The following KAZN variants were observed in gnomAD, a reference collection of about 807,000 sequenced individuals.
KAZN encodes the protein kazrin, periplakin interacting protein.
Under a neutral mutation model 87.4 loss-of-function variants are expected in KAZN, and 40 were observed. The ratio of observed to expected loss-of-function variants is 0.46; its 90% CI spans 0.36 to 0.60. KAZN has a LOEUF of 0.60. Among genes scored for constraint, KAZN ranks in the 20% least tolerant of loss-of-function variants. The probability of loss-of-function intolerance (pLI) is 0.00; values close to 1 mark genes in which losing one functional copy is unlikely to be tolerated. For missense variants in KAZN, 898 were observed against 1,073.9 expected, an observed-to-expected ratio of 0.84 and a Z score of 2.29; for synonymous variants, 466 against 458.3, an observed-to-expected ratio of 1.02 and a Z score of -0.22.
Position 14,513,494 on chromosome 1 carries a change from C to T in KAZN, c.250-85489C>T, listed in dbSNP as rs548815499. Among the ~76,000 whole-genome samples, 194 of 152,246 alleles carry T rather than the reference C, an allele frequency of 1.3e-3. 2 individuals are homozygous for T. Among genetic ancestry groups the T allele is most frequent in the Non-Finnish European group, 2.5e-3 (168 of 68,016 alleles). ...CGAGTGTTTCTGACTAATGAATTGC[C>T]AAGCTAAAGAACGGGGAATCTCTAG... On this transcript the variant is annotated intron_variant, in intron 2 of 16. Transcript: ENST00000636203.
intron 1 of KAZN, among the ~76,000 whole-genome samples, chr1:14,686,718 G>A (rs2148774290): frequency 6.6e-6 from 1 of 152,332 alleles, no homozygotes; most frequent in Admixed American, 6.5e-5. Context: ...ACTGGCCCTG[G>A]CTTCTCAGAG....
At chr1:14,877,498 T>C (rs772869410) in intron 1 of KAZN, among the ~76,000 whole-genome samples, 14 of 150,980 alleles carry the variant, frequency 9.3e-5, no homozygotes, top group African/African-American at 1.7e-4. Flanking sequence ...AACCCAGGAG[T>C]TGGGGAAGGG....
chr1:14,734,992 A>T (rs184178149), intron 1 of KAZN, among the ~76,000 whole-genome samples: 43 of 152,356 alleles, frequency 2.8e-4, no homozygotes, highest in Admixed American at 2.8e-3. Flanking sequence ...AGGAGGCAGT[A>T]GGTGTGCCTT....
chr1:14,308,341 G>T (rs1206850949), intron 2 of KAZN, among the ~76,000 whole-genome samples: 2 of 152,148 alleles, frequency 1.3e-5, no homozygotes, highest in Non-Finnish European at 2.9e-5. Context: ...ATTAGGAAAT[G>T]CATACTGCAA....
intron 2 of KAZN, among the ~76,000 whole-genome samples, chr1:14,209,281 A>G (rs899551992): frequency 8.5e-5 from 13 of 152,294 alleles, no homozygotes; most frequent in African/African-American, 2.9e-4. Flanking sequence ...CAGAAACCAC[A>G]CTGTCACCCA....
intron 2 of KAZN, among the ~76,000 whole-genome samples, chr1:14,387,903 C>T (rs1662074565): frequency 6.6e-6 from 1 of 152,232 alleles, no homozygotes. Flanking sequence ...GCGGGCGCCC[C>T]TCTCCCAGCC....
At chr1:14,920,732 C>T (rs972561549) in intron 1 of KAZN, among the ~76,000 whole-genome samples, 1 of 152,150 alleles carries the variant, frequency 6.6e-6, no homozygotes, top group Non-Finnish European at 1.5e-5. Context: ...AGCACGGGGC[C>T]CAGTGTGACC....
At chr1:14,444,811 T>C (rs897681057) in intron 2 of KAZN, among the ~76,000 whole-genome samples, 1 of 152,160 alleles carries the variant, frequency 6.6e-6, no homozygotes, top group Non-Finnish European at 1.5e-5. Flanking sequence ...AACATTTATA[T>C]ATCTAATCAC....
At chr1:15,038,974 A>G (rs1672634450) in intron 3 of KAZN, among the ~76,000 whole-genome samples, 1 of 151,114 alleles carries the variant, frequency 6.6e-6, no homozygotes, top group Non-Finnish European at 1.5e-5. Flanking sequence ...GCAGACGTTT[A>G]TTGTGCACCT....
At chr1:14,451,584 A>AAGAGAGAGAG (rs5772582) in intron 2 of KAZN, among the ~76,000 whole-genome samples, 2 of 148,548 alleles carry the variant, frequency 1.3e-5, no homozygotes, top group African/African-American at 2.5e-5. Context: ...CAGTTTCAGA[A>AAGAGAGAGAG]AGAGAGAGAG....
upstream of KAZN, among the ~76,000 whole-genome samples, chr1:14,595,476 G>T (rs547012346): frequency 6.6e-6 from 1 of 151,760 alleles, no homozygotes; most frequent in East Asian, 1.9e-4. Context: ...TCAGGAGTTC[G>T]AGACCAACCT....
intron 2 of KAZN, among the ~76,000 whole-genome samples, chr1:14,337,835 G>T (rs547614010): frequency 6.8e-6 from 1 of 147,148 alleles, no homozygotes; most frequent in Non-Finnish European, 1.5e-5. Context: ...CGGAGGTTAT[G>T]ATGAGCCAAG....
At chr1:14,968,109 A>G (rs1417214319) in intron 2 of KAZN, among the ~76,000 whole-genome samples, 1 of 151,960 alleles carries the variant, frequency 6.6e-6, no homozygotes, top group Non-Finnish European at 1.5e-5. Context: ...TATACAATTC[A>G]CCCTAATGTA....
intron 1 of KAZN, among the ~76,000 whole-genome samples, chr1:14,101,310 T>C (rs780702876): frequency 6.6e-6 from 1 of 152,226 alleles, no homozygotes; most frequent in Non-Finnish European, 1.5e-5. Context: ...ATAAACCAAA[T>C]TCACCATTTG....
At chr1:14,417,983 G>C (rs1423137303) in intron 2 of KAZN, among the ~76,000 whole-genome samples, 1 of 98,658 alleles carries the variant, frequency 1.0e-5, no homozygotes, top group African/African-American at 3.8e-5. Context: ...GCGACAGAGT[G>C]AGACTGCCTC....
intron 1 of KAZN, among the ~76,000 whole-genome samples, chr1:13,928,471 A>G (rs892158419): frequency 1.3e-5 from 2 of 152,236 alleles, no homozygotes; most frequent in African/African-American, 4.8e-5. Context: ...GACTTGCCCA[A>G]GGTCACACAA....
At chr1:14,524,429 A>G (rs1671759095) in intron 2 of KAZN, among the ~76,000 whole-genome samples, 1 of 152,160 alleles carries the variant, frequency 6.6e-6, no homozygotes, top group Non-Finnish European at 1.5e-5. Flanking sequence ...TCCACAAAGG[A>G]GCCTGTGCCC....
At chr1:14,267,908 T>G (rs1205746728) in intron 2 of KAZN, among the ~76,000 whole-genome samples, 3 of 152,168 alleles carry the variant, frequency 2.0e-5, no homozygotes, top group African/African-American at 7.2e-5. Context: ...TGCAGTGAGC[T>G]GAGATCATGC....
chr1:14,767,059 G>A (rs1557468503), intron 1 of KAZN, among the ~76,000 whole-genome samples: 1 of 152,082 alleles, frequency 6.6e-6, no homozygotes, highest in South Asian at 2.1e-4. Context: ...AGCTGAGAAG[G>A]AATTATGGAT....
Sources: allele counts gnomAD v4.1 joint callset (sites outside exome capture counted in the v4.1 genomes callset), GRCh38; gene constraint gnomAD v4.1.1; transcripts MANE v1.5; gene names NCBI Gene and HGNC (gene_info 2026-07-23, HGNC 2026-07-21).